Variants in STYXL1 observed in about 807,000 individuals in gnomAD.
STYXL1 encodes serine/threonine/tyrosine interacting like 1.
In STYXL1, 32 loss-of-function variants were observed where a neutral mutation model predicts 36.4. That is an observed-to-expected ratio of 0.88 (90% CI 0.66 to 1.18). STYXL1 has a LOEUF of 1.18. STYXL1 is among the 50% of genes most tolerant of loss of function. The pLI is 0.00. For synonymous variants in STYXL1, 133 were observed against 144.1 expected (o/e 0.92, Z 0.55); for missense variants, 354 against 394.1 (o/e 0.90, Z 0.86).
intron 7 of STYXL1, 71 bp from the exon 8 acceptor site, chr7:76,001,073 C>T (rs1166749210): frequency 8.1e-7 from 1 of 1,229,316 alleles, no homozygotes; most frequent in East Asian, 2.3e-5. Context: ...CTGTCAGACA[C>T]TGGCCTCCAT....
intron 7 of STYXL1, among the ~76,000 whole-genome samples, chr7:76,002,031 A>G (rs1791012031): frequency 6.6e-6 from 1 of 150,504 alleles, no homozygotes; most frequent in Admixed American, 6.6e-5. Context: ...GCAACCTTGA[A>G]CTCCTGGGCT....
At position 76,021,142 on chromosome 7, in the gene STYXL1, A is replaced by G. The variant is rs183422979; in HGVS notation, c.307+709T>C. Reference sequence around the variant, plus strand: ...GCCCAGGCTGGAGTGCAGTGGCGTGATCTCCGCTCACTGCAAGCTCTGCCT... The same window carrying G: ...GCCCAGGCTGGAGTGCAGTGGCGTGGTCTCCGCTCACTGCAAGCTCTGCCT... On this transcript the variant is annotated intron_variant, in intron 4 of 8. Coordinates refer to ENST00000359697, the MANE Select transcript of STYXL1 (RefSeq NM_001317785.2). Among the ~76,000 whole-genome samples, 314 of 149,052 alleles carry G rather than the reference A, an allele frequency of 2.1e-3. 3 individuals are homozygous for G. In the Middle Eastern group the frequency reaches 0.029, roughly 14 times the overall value.
intron 1 of STYXL1, among the ~76,000 whole-genome samples, chr7:76,036,591 T>C (rs2116415695): frequency 6.7e-6 from 1 of 149,826 alleles, no homozygotes; most frequent in East Asian, 1.9e-4. Flanking sequence ...TTTCAATTTT[T>C]TTCACTTTCA....
intron 3 of STYXL1, among the ~76,000 whole-genome samples, chr7:76,023,467 G>C (rs1241739754): frequency 3.9e-5 from 6 of 152,034 alleles, no homozygotes; most frequent in African/African-American, 1.4e-4. Context: ...GGGCTCAAAT[G>C]ATCTTCGCAC....
At chr7:76,006,777 A>C (rs67192619) in intron 5 of STYXL1, among the ~76,000 whole-genome samples, 3 of 110,332 alleles carry the variant, frequency 2.7e-5, no homozygotes, top group Non-Finnish European at 2.0e-5. Flanking sequence ...AAAAAAAAAA[A>C]AAAAACAAAA....
chr7:76,013,759 T>A lies in STYXL1; in HGVS notation c.436A>T (p.Ile146Phe). ...GTYHFLRTQK[I>F]IWMPQELDAF... The stretch of plus-strand genomic sequence containing the variant: ...GGCCCTACCTGAGGCATCCAGATGA[T>A]CTTCTGGGTCCGGAGAAAGTGGTAC... The change falls in exon 5 of 9, where the codon ATC (isoleucine) becomes TTC (phenylalanine). Residue 146 changes from isoleucine to phenylalanine, a missense_variant. Coordinates refer to ENST00000359697, the MANE Select transcript of STYXL1 (RefSeq NM_001317785.2). The A allele has an allele frequency of 6.2e-7, 1 of 1,613,876 alleles. No homozygotes were observed. Among genetic ancestry groups the A allele is most frequent in the Non-Finnish European group, 8.5e-7 (1 of 1,179,922 alleles).
chr7:76,015,746 G>A (rs1793212888), intron 4 of STYXL1, among the ~76,000 whole-genome samples: 3 of 152,210 alleles, frequency 2.0e-5, no homozygotes, highest in Admixed American at 2.0e-4. Flanking sequence ...CTGATCCTGG[G>A]CGTGTCTGTG....
chr7:76,044,045 C>A (rs1297230195), intron 1 of STYXL1: 1 of 152,200 alleles, frequency 6.6e-6, no homozygotes, highest in Non-Finnish European at 1.5e-5. Flanking sequence ...TTGCAAAACA[C>A]CAAGTAAAAT....
intron 1 of STYXL1, chr7:76,044,097 CTGT>C (rs1554582829): frequency 6.6e-6 from 1 of 152,204 alleles, no homozygotes; most frequent in African/African-American, 2.4e-5. Flanking sequence ...GCCAATAAGA[CTGT>C]TGTTAATTAC....
intron 7 of STYXL1, 73 bp from the exon 8 acceptor site, chr7:76,001,075 G>T: frequency 9.0e-7 from 1 of 1,109,180 alleles, no homozygotes; most frequent in Non-Finnish European, 1.4e-6. Flanking sequence ...GTCAGACACT[G>T]GCCTCCATGG....
At chr7:76,005,192 T>C in intron 6 of STYXL1, 67 bp downstream of exon 6, 1 of 972,508 alleles carries the variant, frequency 1.0e-6, no homozygotes, top group Admixed American at 4.6e-5. Context: ...AAAAAATAAA[T>C]AAAATAAATT....
At chr7:76,001,141 T>A (rs943384527) in intron 7 of STYXL1, 139 bp from the exon 8 acceptor site, 1 of 659,764 alleles carries the variant, frequency 1.5e-6, no homozygotes, top group South Asian at 1.7e-5. Context: ...GCAAGTCCCA[T>A]GATTTCTCTG....
intron 1 of STYXL1, among the ~76,000 whole-genome samples, chr7:76,033,305 C>T (rs969729351): frequency 9.2e-5 from 14 of 152,084 alleles, no homozygotes; most frequent in Admixed American, 3.3e-4. Flanking sequence ...CCATCATGCC[C>T]GGCTAAGTTT....
intron 8 of STYXL1, 24 bp downstream of exon 8, chr7:76,000,866 G>T: frequency 6.2e-7 from 1 of 1,605,480 alleles, no homozygotes; most frequent in African/African-American, 1.3e-5. Context: ...GCCGTGGTGC[G>T]AGCCTGGCCC....
rs201812695 is a variant in STYXL1, at chr7:76,008,997, C to CA, written c.454-3594dup. On this transcript the variant is annotated intron_variant, in intron 5 of 8. Transcript: ENST00000359697. ...AGCCTGGGCAACAGAGATGCTATCT[C>CA]AAAAAAAAACCAAAACAAAACAAAA... 7.0e-3 allele frequency among the ~76,000 whole-genome samples: 1,043 copies of CA among 149,212 alleles called. 14 individuals carry two copies. Among genetic ancestry groups the CA allele is most frequent in the African/African-American group, 0.022 (893 of 40,630 alleles).
At chr7:76,031,911 A>G (rs376572504) in intron 1 of STYXL1, among the ~76,000 whole-genome samples, 1 of 152,170 alleles carries the variant, frequency 6.6e-6, no homozygotes, top group African/African-American at 2.4e-5. Context: ...GCCTTCATGA[A>G]GGTTATAGTC....
At chr7:76,031,324 C>G (rs1385768411) in intron 1 of STYXL1, among the ~76,000 whole-genome samples, 2 of 75,554 alleles carry the variant, frequency 2.6e-5, no homozygotes, top group African/African-American at 1.1e-4. Flanking sequence ...GAGTGAGACT[C>G]TGTCTCCAAA....
At position 76,043,766 on chromosome 7, in the gene STYXL1, G is replaced by A. The variant is rs560320942; in HGVS notation, c.-5+3896C>T. On this transcript the variant is annotated intron_variant, in intron 1 of 8. Coordinates refer to ENST00000359697, the MANE Select transcript of STYXL1 (RefSeq NM_001317785.2). Reference sequence around the variant, plus strand: ...AGCCATAGTTGGCCTGGGCTGGGGTGGGATGGAAGAGGAAACAAAATAAAC... The same window carrying A: ...AGCCATAGTTGGCCTGGGCTGGGGTAGGATGGAAGAGGAAACAAAATAAAC... Among the ~76,000 whole-genome samples the A allele has an allele frequency of 2.0e-5, 3 of 152,322 alleles. No homozygotes were observed. The South Asian group carries it at 6.2e-4, about 32-fold the overall frequency.
At chr7:76,027,817 A>G (rs1794889651) in intron 3 of STYXL1, among the ~76,000 whole-genome samples, 1 of 152,008 alleles carries the variant, frequency 6.6e-6, no homozygotes, top group Admixed American at 6.6e-5. Context: ...TTAAATCAAT[A>G]TTTGGCCAGG....
Sources: allele counts gnomAD v4.1 joint callset (sites outside exome capture counted in the v4.1 genomes callset), GRCh38; gene constraint gnomAD v4.1.1; transcripts MANE v1.5; gene names NCBI Gene and HGNC (gene_info 2026-07-23, HGNC 2026-07-21).